Variants in CSMD1 observed in about 807,000 individuals in gnomAD.
CSMD1 encodes the protein CUB and sushi domain-containing protein 1.
A neutral mutation model predicts 417.5 loss-of-function variants in CSMD1; 213 were observed. The ratio of observed to expected loss-of-function variants is 0.51; its 90% confidence interval spans 0.46 to 0.57. The LOEUF (loss-of-function observed/expected upper bound fraction) is 0.57, where lower values mean the gene tolerates loss of function less well. Ranked by LOEUF, CSMD1 falls within the 20% of genes least tolerant of loss-of-function variation. CSMD1 has a pLI of 0.00. For synonymous variants in CSMD1, 2,862 were observed against 1,736.8 expected (o/e 1.65, Z -16.11); for missense variants, 6,923 against 4,529.7 (o/e 1.53, Z -15.17).
chr8:3,366,345 T>C (rs17065954), intron 20 of CSMD1, among the ~76,000 whole-genome samples: 4,586 of 151,624 alleles, frequency 0.03, 95 homozygotes, highest in East Asian at 0.081. Context: ...TCTCACATGT[T>C]TGGCCAGTTT....
chr8:3,192,875 G>A (rs1353868344), intron 33 of CSMD1, among the ~76,000 whole-genome samples: 2 of 151,832 alleles, frequency 1.3e-5, no homozygotes, highest in East Asian at 3.9e-4. Flanking sequence ...AATATTTCTT[G>A]AAATTATTTG....
intron 3 of CSMD1, among the ~76,000 whole-genome samples, chr8:4,195,284 G>C (rs945509946): frequency 5.3e-5 from 8 of 152,148 alleles, no homozygotes; most frequent in Non-Finnish European, 1.2e-4. Context: ...CACCCAGGCA[G>C]TTCCACAATC....
rs79323537 is a variant in CSMD1, at chr8:3,461,306, A to C, written c.1561+7406T>G. ...AGGCTTTTGCTGGATAGAATGAGGG[A>C]ATGCGCTTCTGAAGGCATGGCTGAG... On this transcript the variant is annotated intron_variant, in intron 12 of 69. Coordinates refer to ENST00000635120, the MANE Select transcript of CSMD1 (RefSeq NM_033225.6). Among the ~76,000 whole-genome samples, 1,506 of 152,188 alleles carry C rather than the reference A, an allele frequency of 9.9e-3. 43 individuals carry two copies. Among genetic ancestry groups the C allele is most frequent in the South Asian group, 0.098 (471 of 4,806 alleles).
chr8:4,237,056 A>C (rs75210227), intron 3 of CSMD1, among the ~76,000 whole-genome samples: 4,586 of 152,282 alleles, frequency 0.03, 109 homozygotes, highest in Non-Finnish European at 0.044. Flanking sequence ...GACAGATAAC[A>C]ACCTCCTTAT....
intron 1 of CSMD1, among the ~76,000 whole-genome samples, chr8:4,962,263 T>G (rs1201956946): frequency 1.3e-5 from 2 of 151,396 alleles, no homozygotes; most frequent in Non-Finnish European, 2.9e-5. Context: ...CAAACTGGAG[T>G]ACAGTGTCAC....
At chr8:4,714,564 T>C (rs1303526981) in intron 1 of CSMD1, among the ~76,000 whole-genome samples, 1 of 152,190 alleles carries the variant, frequency 6.6e-6, no homozygotes, top group East Asian at 1.9e-4. Flanking sequence ...AAGTCGGAAC[T>C]TTCCCAAGTT....
At chr8:4,526,521 G>A (rs1796520541) in intron 2 of CSMD1, among the ~76,000 whole-genome samples, 1 of 152,182 alleles carries the variant, frequency 6.6e-6, no homozygotes, top group Admixed American at 6.5e-5. Context: ...AAAGACAGTG[G>A]AAACCAACTG....
chr8:3,878,372 G>A (rs1470687965), intron 5 of CSMD1, among the ~76,000 whole-genome samples: 3 of 152,010 alleles, frequency 2.0e-5, no homozygotes, highest in Admixed American at 6.6e-5. Context: ...GATACACGAA[G>A]AAAATCCTGG....
rs138190564 is a variant in CSMD1 at position 4,955,724 on chromosome 8, G to T, written c.85+38608C>A. Among the ~76,000 whole-genome samples the T allele has an allele frequency of 2.4e-3, 348 of 145,968 alleles. 2 individuals carry two copies. The highest frequency in any genetic ancestry group is 8.0e-3 in the African/African-American group (320 of 40,220). On this transcript the variant is annotated intron_variant, in intron 1 of 69. Coordinates refer to ENST00000635120, the MANE Select transcript of CSMD1 (RefSeq NM_033225.6). ...ACCCACCTCGGCCTCCTAAAGTGCT[G>T]GGATTACAGGCGTGAGCCACCACGC...
intron 37 of CSMD1, among the ~76,000 whole-genome samples, chr8:3,171,403 T>C (rs1034043650): frequency 6.6e-6 from 1 of 152,164 alleles, no homozygotes; most frequent in Non-Finnish European, 1.5e-5. Flanking sequence ...TCACCACCCA[T>C]CTCAATCCCA....
chr8:4,480,822 G>C (rs1291699957), intron 2 of CSMD1, among the ~76,000 whole-genome samples: 2 of 152,144 alleles, frequency 1.3e-5, no homozygotes, highest in Admixed American at 6.5e-5. Flanking sequence ...GAGGCCGACT[G>C]CCACATTCAG....
At chr8:4,584,338 G>C (rs149360815) in intron 2 of CSMD1, among the ~76,000 whole-genome samples, 1 of 151,846 alleles carries the variant, frequency 6.6e-6, no homozygotes, top group African/African-American at 2.4e-5. Flanking sequence ...TGAGACAATC[G>C]CCAATCGCCA....
chr8:4,778,295 A>T (rs1045455194), intron 1 of CSMD1, among the ~76,000 whole-genome samples: 6 of 152,194 alleles, frequency 3.9e-5, no homozygotes, highest in Non-Finnish European at 8.8e-5. Context: ...TTTTGCAAAT[A>T]AAAAGGTCAG....
rs1054886294 is a variant in CSMD1 at position 3,693,907 on chromosome 8, T to TTG, written c.1009+14505_1009+14506dup. On this transcript the variant is annotated intron_variant, in intron 7 of 69. Coordinates refer to ENST00000635120, the MANE Select transcript of CSMD1 (RefSeq NM_033225.6). ...TTGAATATAGATGTGTGTTGGCGTC[T>TTG]TGTGTGTGTGTGTGTTTGTTATGGT... is the stretch of plus-strand genomic sequence containing the variant. Among the ~76,000 whole-genome samples the TTG allele has an allele frequency of 5.0e-4, 75 of 150,362 alleles. No homozygotes were observed. The South Asian group carries it at 9.7e-3, about 20-fold the overall frequency.
intron 1 of CSMD1, among the ~76,000 whole-genome samples, chr8:4,923,265 A>C (rs7012286): frequency 0.68 from 103,749 of 151,744 alleles, 36,168 homozygotes; most frequent in African/African-American, 0.8. Context: ...TACCCTTCAC[A>C]CTTGACTCAC....
intron 3 of CSMD1, among the ~76,000 whole-genome samples, chr8:4,419,378 TA>T (rs969691272): frequency 3.3e-5 from 5 of 152,062 alleles, no homozygotes; most frequent in East Asian, 1.9e-4. Context: ...TCTCTGCATT[TA>T]AAAAAAATTT....
intron 7 of CSMD1, among the ~76,000 whole-genome samples, chr8:3,621,518 TA>T (rs1262827400): frequency 6.6e-6 from 1 of 152,120 alleles, no homozygotes; most frequent in Non-Finnish European, 1.5e-5. Context: ...CAGAGATGAA[TA>T]GTGGTGATGG....
chr8:3,736,638 C>T (rs1796533674), intron 6 of CSMD1, among the ~76,000 whole-genome samples: 1 of 152,164 alleles, frequency 6.6e-6, no homozygotes, highest in Non-Finnish European at 1.5e-5. Context: ...CTTTCTCATG[C>T]CCCAGGTCTT....
chr8:3,261,221 G>T (rs531056324), intron 26 of CSMD1, among the ~76,000 whole-genome samples: 99 of 152,254 alleles, frequency 6.5e-4, no homozygotes, highest in African/African-American at 2.3e-3. Context: ...AATATCAAAT[G>T]TTGCATAGGA....
Sources: allele counts gnomAD v4.1 joint callset (sites outside exome capture counted in the v4.1 genomes callset), GRCh38; gene constraint gnomAD v4.1.1; transcripts MANE v1.5; gene names NCBI Gene and HGNC (gene_info 2026-07-23, HGNC 2026-07-21).